The following PRELID2 variants were observed in gnomAD, a reference collection of about 807,000 sequenced individuals.
The protein encoded by PRELID2 is PRELI domain containing 2, also known as PRELI domain-containing protein 2.
In PRELID2, 25 loss-of-function variants were observed where a neutral mutation model predicts 28.4. That is an observed-to-expected ratio of 0.88 (90% confidence interval 0.64 to 1.23). The LOEUF (loss-of-function observed/expected upper bound fraction) is 1.23. PRELID2 is among the 50% of genes most tolerant of loss of function. The probability of loss-of-function intolerance (pLI) is 0.00; values close to 1 mark genes in which losing one functional copy is unlikely to be tolerated. For missense variants in PRELID2, 201 were observed against 214.4 expected, an observed-to-expected ratio of 0.94 and a Z score of 0.39; for synonymous variants, 76 against 71.6, an observed-to-expected ratio of 1.06 and a Z score of -0.31.
intron 1 of PRELID2, among the ~76,000 whole-genome samples, chr5:145,558,298 T>G (rs150996860): frequency 1.2e-3 from 186 of 152,330 alleles, no homozygotes; most frequent in African/African-American, 4.2e-3. Context: ...GAGATATTTG[T>G]AGAGGTTGTT....
At chr5:145,251,434 A>G in the PRELID2 span, among the ~76,000 whole-genome samples, 1 of 152,022 alleles carries the variant, frequency 6.6e-6, no homozygotes, top group Non-Finnish European at 1.5e-5. Flanking sequence ...ACTGCGCTCC[A>G]TGAGTTGGAA....
chr5:145,813,567 AAG>A (rs150520310), intron 4 of PRELID2, among the ~76,000 whole-genome samples: 3,304 of 152,316 alleles, frequency 0.022, 122 homozygotes, highest in African/African-American at 0.075. Flanking sequence ...CACTGTGCTC[AAG>A]GTGGAGTCTA....
intron 1 of PRELID2, among the ~76,000 whole-genome samples, chr5:145,662,158 T>C (rs1754507062): frequency 6.6e-6 from 1 of 152,032 alleles, no homozygotes; most frequent in African/African-American, 2.4e-5. Context: ...AACATGATGC[T>C]GGTGAAATCT....
intron 1 of PRELID2, chr5:145,728,991 G>C: frequency 1.3e-6 from 1 of 743,226 alleles, no homozygotes; most frequent in Non-Finnish European, 2.5e-6. Context: ...AGGATCAGAG[G>C]GGTCCCACTC....
chr5:145,697,393 T>G (rs1755305141), intron 1 of PRELID2, among the ~76,000 whole-genome samples: 1 of 151,992 alleles, frequency 6.6e-6, no homozygotes. Context: ...AGCTTGGATT[T>G]GAACCCATAT....
intron 1 of PRELID2, among the ~76,000 whole-genome samples, chr5:145,522,394 G>C (rs547693714): frequency 6.6e-6 from 1 of 150,638 alleles, no homozygotes; most frequent in Admixed American, 6.6e-5. Context: ...TATAGATACA[G>C]AGACACACAC....
chr5:145,655,794 A>T (rs1314364557), intron 1 of PRELID2, among the ~76,000 whole-genome samples: 1 of 152,182 alleles, frequency 6.6e-6, no homozygotes, highest in Non-Finnish European at 1.5e-5. Context: ...AACCATAAAA[A>T]CCCTAGAAGA....
chr5:145,772,940 G>C (rs1758199659), intron 5 of PRELID2, among the ~76,000 whole-genome samples: 1 of 152,118 alleles, frequency 6.6e-6, no homozygotes, highest in South Asian at 2.1e-4. Context: ...TAGAATGTAT[G>C]GCTTCAATAT....
chr5:145,353,436 T>C, the PRELID2 span, among the ~76,000 whole-genome samples: 1 of 151,650 alleles, frequency 6.6e-6, no homozygotes, highest in Admixed American at 6.6e-5. Flanking sequence ...GCACTACAGC[T>C]TGGGTGACAT....
the PRELID2 span, among the ~76,000 whole-genome samples, chr5:145,279,544 A>G: frequency 7.2e-5 from 11 of 152,220 alleles, no homozygotes; most frequent in East Asian, 5.8e-4. Flanking sequence ...TACACAAACC[A>G]TTTAGCACAG....
intron 1 of PRELID2, among the ~76,000 whole-genome samples, chr5:145,637,708 A>G (rs1329843936): frequency 6.6e-6 from 1 of 152,202 alleles, no homozygotes; most frequent in African/African-American, 2.4e-5. Flanking sequence ...CACAGAGGTC[A>G]TCATTCCTAA....
chr5:145,400,040 C>A, the PRELID2 span, among the ~76,000 whole-genome samples: 1 of 152,142 alleles, frequency 6.6e-6, no homozygotes, highest in African/African-American at 2.4e-5. Context: ...CACCCTCACA[C>A]TGTCCTTCCT....
the PRELID2 span, among the ~76,000 whole-genome samples, chr5:145,331,450 G>C: frequency 6.6e-6 from 1 of 152,076 alleles, no homozygotes; most frequent in Admixed American, 6.5e-5. Flanking sequence ...GAATCTGGGT[G>C]CTCCTGTATT....
chr5:145,775,514 A>C (rs1166261621), intron 5 of PRELID2, among the ~76,000 whole-genome samples: 4 of 152,220 alleles, frequency 2.6e-5, no homozygotes, highest in African/African-American at 4.8e-5. Flanking sequence ...ATGTATGCAA[A>C]TGAATTTTGT....
chr5:145,764,026 G>A (rs1757604082), intron 6 of PRELID2, among the ~76,000 whole-genome samples: 1 of 152,006 alleles, frequency 6.6e-6, no homozygotes, highest in Non-Finnish European at 1.5e-5. Flanking sequence ...CAGAGAGGTG[G>A]AGGCTGCAGT....
At chr5:145,328,990 A>G in the PRELID2 span, among the ~76,000 whole-genome samples, 1 of 152,216 alleles carries the variant, frequency 6.6e-6, no homozygotes, top group African/African-American at 2.4e-5. Flanking sequence ...AGTTTTCTGC[A>G]TATGGCTAGC....
At chr5:145,464,423 C>T in the PRELID2 span, among the ~76,000 whole-genome samples, 2 of 152,050 alleles carry the variant, frequency 1.3e-5, no homozygotes, top group Non-Finnish European at 2.9e-5. Flanking sequence ...CCTTGACAAG[C>T]TTAATGTTTA....
the PRELID2 span, among the ~76,000 whole-genome samples, chr5:145,264,840 G>C: frequency 5.0e-3 from 758 of 151,894 alleles, 4 homozygotes; most frequent in African/African-American, 0.017. Context: ...CAGGCATGGT[G>C]GTGGGCGGCT....
intron 1 of PRELID2, among the ~76,000 whole-genome samples, chr5:145,591,441 A>G (rs893914674): frequency 2.2e-4 from 33 of 152,208 alleles, no homozygotes; most frequent in Non-Finnish European, 4.7e-4. Flanking sequence ...TGGAGAATAG[A>G]CCATTTCATA....
Sources: gnomAD v4.1 joint callset for allele counts (sites outside exome capture counted in the v4.1 genomes callset) on GRCh38, gnomAD v4.1.1 for gene constraint, MANE v1.5 for transcripts, NCBI Gene and HGNC (gene_info 2026-07-23, HGNC 2026-07-21) for gene names.